RPL24: variants seen among roughly 807,000 people sequenced by gnomAD.
The protein encoded by RPL24 is large ribosomal subunit protein eL24.
Under a neutral mutation model 26.4 loss-of-function variants are expected in RPL24, and 7 were observed. That is an observed-to-expected ratio of 0.27 (90% CI 0.15 to 0.50). The LOEUF is 0.50. Among genes scored for constraint, RPL24 ranks in the 20% least tolerant of loss-of-function variants. RPL24 has a pLI of 0.98. For synonymous variants in RPL24, 67 were observed against 65.2 expected (o/e 1.03, Z -0.13); for missense variants, 109 against 194.9 (o/e 0.56, Z 2.62).
Position 101,682,883 on chromosome 3 carries a change from G to A in RPL24, c.217C>T (p.Arg73Cys). Residue 73 changes from arginine to cysteine, a missense_variant, in exon 4 of 6, where the codon CGC (arginine) becomes TGC (cysteine). By Grantham distance (180) the Arg-to-Cys change is radical (BLOSUM62 -3). Transcript: ENST00000394077. ...GCCCTCTGGAATTTGACTGCTCGGCGGGTTCTTTTCTTTTGAATTTCTTCC... is the reference window on the plus strand; with the variant it reads ...GCCCTCTGGAATTTGACTGCTCGGCAGGTTCTTTTCTTTTGAATTTCTTCC... ...QSEEIQKKRT[R>C]RAVKFQRAIT... 2 of 1,613,526 alleles carry A rather than the reference G, an allele frequency of 1.2e-6. No homozygotes were observed. Among genetic ancestry groups the A allele is most frequent in the Non-Finnish European group, 1.7e-6 (2 of 1,179,640 alleles).
At position 101,685,813 on chromosome 3, in the gene RPL24, C is replaced by G; in HGVS notation, c.192+5G>C. ...GCCCCCAACATCAAGGCGTATTCCA[C>G]TTACCGACTGTCCCTTTTTGTGCTT... is the stretch of plus-strand genomic sequence containing the variant. On this transcript the variant is annotated splice_donor_5th_base_variant and intron_variant, in intron 3 of 5. Transcript: ENST00000394077. The G allele has an allele frequency of 1.3e-6, 2 of 1,552,478 alleles. No individual in the cohort carries two copies. Among genetic ancestry groups the G allele is most frequent in the Non-Finnish European group, 8.9e-7 (1 of 1,125,926 alleles).
intron 5 of RPL24, chr3:101,681,474 T>G (rs1162647890): frequency 2.3e-6 from 1 of 437,674 alleles, no homozygotes; most frequent in African/African-American, 2.0e-5. Context: ...AAATGCATCC[T>G]AACAGAAACT....
intron 5 of RPL24, chr3:101,682,203 A>C: frequency 4.0e-6 from 2 of 494,882 alleles, no homozygotes; most frequent in South Asian, 2.3e-5. Context: ...ACAAACAAAC[A>C]AACAAACAAA....
intron 4 of RPL24, 26 bp from the exon 5 acceptor site, chr3:101,682,518 A>G: frequency 6.3e-7 from 1 of 1,589,452 alleles, no homozygotes; most frequent in Non-Finnish European, 8.6e-7. Flanking sequence ...AACTTAAGGC[A>G]AAAGCACTTT....
intron 5 of RPL24, chr3:101,682,009 T>A (rs576250246): frequency 5.9e-6 from 1 of 168,174 alleles, no homozygotes; most frequent in East Asian, 1.7e-4. Context: ...AGCCTTGCAT[T>A]CAATACCTTA....
At chr3:101,686,395 TG>T in intron 2 of RPL24, 86 bp downstream of exon 2, 1 of 1,141,684 alleles carries the variant, frequency 8.8e-7, no homozygotes, top group Non-Finnish European at 1.3e-6. Flanking sequence ...AGTGGTGATG[TG>T]GGGAATAAAC....
At chr3:101,681,285 C>T in intron 5 of RPL24, 70 bp from the exon 6 acceptor site, 1 of 1,044,016 alleles carries the variant, frequency 9.6e-7, no homozygotes, top group Non-Finnish European at 1.5e-6. Context: ...CTCTCACATC[C>T]AGATTGTTTA....
rs1559993866 is a variant in RPL24 at position 101,686,539 on chromosome 3, A to G, written c.24T>C (p.Phe8=). The G allele has an allele frequency of 1.2e-6, 2 of 1,614,138 alleles. No individual in the cohort carries two copies. The highest frequency in any genetic ancestry group is 2.2e-5 in the East Asian group (1 of 44,864). The change falls in exon 2 of 6, where the codon TTT becomes TTC. Residue 8 remains phenylalanine, a synonymous_variant. Coordinates refer to ENST00000394077, the MANE Select transcript of RPL24 (RefSeq NM_000986.4). ...GTCCGGGGTAGATCTTGTACCCGCT[A>G]AAACTGCACAGCTCGACCCTGCAAC... MKVELCS[F]SGYKIYPGHG...
chr3:101,681,393 A>G (rs1185497032), intron 5 of RPL24, 178 bp from the exon 6 acceptor site: 2 of 596,692 alleles, frequency 3.4e-6, no homozygotes, highest in Admixed American at 6.1e-5. Flanking sequence ...CTTTACAATG[A>G]AAGACAAAGA....
chr3:101,686,702 A>C lies in RPL24; in HGVS notation c.-26T>G, dbSNP rs1174154399. 1 of 1,614,178 alleles carries C rather than the reference A, an allele frequency of 6.2e-7. No homozygotes were observed. The highest frequency in any genetic ancestry group is 1.1e-5 in the South Asian group (1 of 91,088). The stretch of plus-strand genomic sequence containing the variant: ...GGCGACAGCTCCACGGAAAGACAAA[A>C]GATGGCGAAAAGAAAGAGAGAATCA... On this transcript the variant is annotated 5_prime_UTR_variant, in exon 1 of 6. Transcript: ENST00000394077.
At position 101,686,491 on chromosome 3, in the gene RPL24, G is replaced by A. The variant is rs1193419581; in HGVS notation, c.72C>T (p.Thr24=). The change falls in exon 2 of 6, where the codon ACC becomes ACT. Residue 24 remains threonine (T), a synonymous_variant. Coordinates refer to ENST00000394077, the MANE Select transcript of RPL24 (RefSeq NM_000986.4). The part of the protein sequence containing the change: ...YPGHGRRYAR[T]DGKVFQFLNA... ...CGACGCGGCTTTTTACCTTCCCGTCGGTCCTGGCGTAGCGCCTCCCGTGTC... is the reference window on the plus strand; with the variant it reads ...CGACGCGGCTTTTTACCTTCCCGTCAGTCCTGGCGTAGCGCCTCCCGTGTC... The A allele has an allele frequency of 1.2e-6, 2 of 1,613,874 alleles. No homozygotes were observed. Among genetic ancestry groups the A allele is most frequent in the Non-Finnish European group, 1.7e-6 (2 of 1,179,900 alleles).
intron 3 of RPL24, 73 bp downstream of exon 3, chr3:101,685,745 G>A: frequency 1.3e-6 from 1 of 794,878 alleles, no homozygotes; most frequent in Non-Finnish European, 2.1e-6. Context: ...ATTTTACAGA[G>A]CAGAAAACCA....
intron 5 of RPL24, chr3:101,681,526 T>C (rs909524411): frequency 4.0e-5 from 11 of 275,648 alleles, no homozygotes; most frequent in Non-Finnish European, 7.6e-5. Context: ...TTACTCAGCT[T>C]TTCTCAATGT....
Position 101,686,706 on chromosome 3 carries a change from G to T in RPL24, c.-30C>A. On this transcript the variant is annotated 5_prime_UTR_variant, in exon 1 of 6. Transcript: ENST00000394077. The stretch of plus-strand genomic sequence containing the variant: ...ACAGCTCCACGGAAAGACAAAAGAT[G>T]GCGAAAAGAAAGAGAGAATCATGGG... The T allele has an allele frequency of 3.1e-6, 5 of 1,614,092 alleles. No homozygotes were observed. The highest frequency in any genetic ancestry group is 4.5e-5 in the East Asian group (2 of 44,876).
At chr3:101,681,877 G>A (rs1937268122) in intron 5 of RPL24, 1 of 153,834 alleles carries the variant, frequency 6.5e-6, no homozygotes, top group Non-Finnish European at 1.4e-5. Flanking sequence ...CAAACAAAAA[G>A]GCCAACCTTT....
chr3:101,684,877 C>T (rs1937315616), intron 3 of RPL24, among the ~76,000 whole-genome samples: 1 of 133,840 alleles, frequency 7.5e-6, no homozygotes, highest in African/African-American at 2.8e-5. Context: ...ATCTAAATAA[C>T]TTTTTTTTTT....
chr3:101,681,323 T>C (rs3094296), intron 5 of RPL24, 108 bp from the exon 6 acceptor site: 236,774 of 745,608 alleles, frequency 0.32, 39,304 homozygotes, highest in East Asian at 0.35. Context: ...TCTTAGTAAT[T>C]TAACTGCATT....
chr3:101,681,322 T>C (rs1937259687), intron 5 of RPL24, 107 bp from the exon 6 acceptor site: 1 of 754,428 alleles, frequency 1.3e-6, no homozygotes, highest in Non-Finnish European at 2.4e-6. Flanking sequence ...TTCTTAGTAA[T>C]TTAACTGCAT....
At chr3:101,685,344 G>A (rs565604405) in intron 3 of RPL24, among the ~76,000 whole-genome samples, 3 of 152,072 alleles carry the variant, frequency 2.0e-5, no homozygotes, top group Non-Finnish European at 2.9e-5. Flanking sequence ...CAAGCCTCCT[G>A]AATACTAGTC....
Sources: gnomAD v4.1 joint callset for allele counts (sites outside exome capture counted in the v4.1 genomes callset) on GRCh38, gnomAD v4.1.1 for gene constraint, MANE v1.5 for transcripts, NCBI Gene and HGNC (gene_info 2026-07-23, HGNC 2026-07-21) for gene names.